PRKAG2: variants seen among roughly 807,000 people sequenced by gnomAD.
PRKAG2 encodes 5'-AMP-activated protein kinase subunit gamma-2.
Under a neutral mutation model 69.6 loss-of-function variants are expected in PRKAG2, and 26 were observed. The observed-to-expected ratio is 0.37, with a 90% CI of 0.27 to 0.52. The LOEUF is 0.52. PRKAG2 is among the 20% of genes least tolerant of loss of function. The probability of loss-of-function intolerance (pLI) is 0.90; values close to 1 mark genes in which losing one functional copy is unlikely to be tolerated. For missense variants in PRKAG2, 557 were observed against 740.0 expected, an observed-to-expected ratio of 0.75 and a Z score of 2.87; for synonymous variants, 293 against 285.0, an observed-to-expected ratio of 1.03 and a Z score of -0.28.
At chr7:151,683,815 C>A (rs777145735) in intron 3 of PRKAG2, among the ~76,000 whole-genome samples, 1 of 152,102 alleles carries the variant, frequency 6.6e-6, no homozygotes, top group Admixed American at 6.5e-5. Context: ...AGCAGGCAGG[C>A]GGAGACCCTG....
chr7:151,766,853 C>T (rs537490616), intron 3 of PRKAG2, among the ~76,000 whole-genome samples: 58 of 152,340 alleles, frequency 3.8e-4, no homozygotes, highest in African/African-American at 1.3e-3. Context: ...GCACATCAAT[C>T]GTGGAGAAGG....
At chr7:151,740,253 T>C (rs573571413) in intron 3 of PRKAG2, among the ~76,000 whole-genome samples, 108 of 152,324 alleles carry the variant, frequency 7.1e-4, no homozygotes, top group African/African-American at 2.5e-3. Context: ...GAGTTGAGGC[T>C]TTCATAGCTC....
At chr7:151,855,285 ACCC>A (rs2079715210) in intron 1 of PRKAG2, among the ~76,000 whole-genome samples, 2 of 45,186 alleles carry the variant, frequency 4.4e-5, no homozygotes, top group Admixed American at 2.9e-4. Context: ...CACACACACC[ACCC>A]TCCACACACC....
chr7:151,769,902 A>C (rs1414528867), intron 3 of PRKAG2, among the ~76,000 whole-genome samples: 1 of 152,168 alleles, frequency 6.6e-6, no homozygotes, highest in Non-Finnish European at 1.5e-5. Context: ...CGGAGGCCAA[A>C]TTCAGTACCT....
chr7:151,667,897 G>T (rs1222502824), intron 4 of PRKAG2, among the ~76,000 whole-genome samples: 2 of 152,236 alleles, frequency 1.3e-5, no homozygotes, highest in East Asian at 1.9e-4. Flanking sequence ...CTGACCCACA[G>T]AATTGTGAGT....
At chr7:151,696,091 T>C (rs968963867) in intron 3 of PRKAG2, among the ~76,000 whole-genome samples, 3 of 152,144 alleles carry the variant, frequency 2.0e-5, no homozygotes, top group African/African-American at 7.2e-5. Context: ...TAGCCTCCTA[T>C]CAGTGCCTCC....
At chr7:151,876,163 G>A (rs1456401364) in intron 1 of PRKAG2, among the ~76,000 whole-genome samples, 1 of 151,278 alleles carries the variant, frequency 6.6e-6, no homozygotes, top group Non-Finnish European at 1.5e-5. Flanking sequence ...TCCCTTTTCA[G>A]CAAAACAACA....
intron 3 of PRKAG2, among the ~76,000 whole-genome samples, chr7:151,768,384 G>A (rs749476987): frequency 6.6e-5 from 10 of 152,152 alleles, no homozygotes; most frequent in Admixed American, 1.3e-4. Flanking sequence ...CATTAGCAAC[G>A]GCAAAGCTTA....
rs1181955112 is a variant in PRKAG2 at position 151,567,464 on chromosome 7, ACT to A, written c.1233+1250_1233+1251del. 6.6e-6 allele frequency among the ~76,000 whole-genome samples: 1 copy of A among 152,026 alleles called. No homozygotes were observed. The highest frequency in any genetic ancestry group is 2.4e-5 in the African/African-American group (1 of 41,390). Reference sequence around the variant, plus strand: ...TGATTAATATTATTTAAAAATGATGACTCTAAGGATTAAGTGAGCTGCAGGCC... The same window carrying A: ...TGATTAATATTATTTAAAAATGATGACTAAGGATTAAGTGAGCTGCAGGCC... On this transcript the variant is annotated intron_variant, in intron 11 of 15. Transcript: ENST00000287878. This position sits in a 1 kb window ranked among gnomAD's most constrained non-coding sequence, Gnocchi z 4.2.
intron 1 of PRKAG2, among the ~76,000 whole-genome samples, chr7:151,862,897 A>C (rs183422562): frequency 1.3e-5 from 2 of 151,208 alleles, no homozygotes; most frequent in African/African-American, 2.4e-5. Flanking sequence ...TGCAGGGAGC[A>C]CTGGTAGATC....
At chr7:151,851,606 A>T (rs374754724) in intron 1 of PRKAG2, among the ~76,000 whole-genome samples, 1 of 152,186 alleles carries the variant, frequency 6.6e-6, no homozygotes, top group Non-Finnish European at 1.5e-5. Flanking sequence ...CCAAAATCAC[A>T]GGCTTTTGGT....
intron 5 of PRKAG2, among the ~76,000 whole-genome samples, chr7:151,596,905 C>A (rs1814679142): frequency 6.6e-6 from 1 of 151,644 alleles, no homozygotes; most frequent in Non-Finnish European, 1.5e-5. Context: ...AATACCAATT[C>A]TTCGCAGGAC....
At chr7:151,560,287 G>A (rs1232513392) in intron 15 of PRKAG2, 3 of 1,411,084 alleles carry the variant, frequency 2.1e-6, no homozygotes, top group East Asian at 3.1e-5. Flanking sequence ...CATTTAGGGG[G>A]CCACTGGACC....
chr7:151,749,029 C>G (rs1300235221), intron 3 of PRKAG2, among the ~76,000 whole-genome samples: 1 of 152,246 alleles, frequency 6.6e-6, no homozygotes, highest in Admixed American at 6.5e-5. Flanking sequence ...GAGGAAGAGG[C>G]TGACGGTTTT....
At chr7:151,702,235 A>G (rs1049532833) in intron 3 of PRKAG2, among the ~76,000 whole-genome samples, 14 of 152,194 alleles carry the variant, frequency 9.2e-5, no homozygotes, top group African/African-American at 3.4e-4. Context: ...ATTTTCAGAA[A>G]AAGTTGCTGG....
chr7:151,644,503 G>A (rs941099804), intron 4 of PRKAG2, among the ~76,000 whole-genome samples: 3 of 152,042 alleles, frequency 2.0e-5, no homozygotes, highest in Admixed American at 6.6e-5. Flanking sequence ...CATTCATGTC[G>A]CTCAGTATAC....
chr7:151,859,954 G>GT (rs1268736320), intron 1 of PRKAG2, among the ~76,000 whole-genome samples: 1 of 152,204 alleles, frequency 6.6e-6, no homozygotes, highest in African/African-American at 2.4e-5. Flanking sequence ...CAGGACACGA[G>GT]TGCCCATCTT....
intron 4 of PRKAG2, among the ~76,000 whole-genome samples, chr7:151,649,171 G>A (rs560129214): frequency 6.6e-6 from 1 of 152,210 alleles, no homozygotes; most frequent in South Asian, 2.1e-4. Context: ...TGTTGCCGAG[G>A]TTGGAGTGCA....
intron 4 of PRKAG2, among the ~76,000 whole-genome samples, chr7:151,644,802 G>T (rs1367926415): frequency 6.6e-6 from 1 of 152,152 alleles, no homozygotes; most frequent in Non-Finnish European, 1.5e-5. Context: ...GCCCAAAGTG[G>T]TTGAGAGTTC....
Sources: allele counts gnomAD v4.1 joint callset (sites outside exome capture counted in the v4.1 genomes callset), GRCh38; gene constraint gnomAD v4.1.1; non-coding constraint Gnocchi (gnomAD v3.1); transcripts MANE v1.5; gene names NCBI Gene and HGNC (gene_info 2026-07-23, HGNC 2026-07-21).